The following RXRA variants were observed in gnomAD, a reference collection of about 807,000 sequenced individuals.
RXRA encodes retinoid X receptor alpha.
Under a neutral mutation model 44.5 loss-of-function variants are expected in RXRA, and 5 were observed. That is an observed-to-expected ratio of 0.11 (90% confidence interval 0.06 to 0.24). RXRA has a LOEUF of 0.24. RXRA is among the 10% of genes least tolerant of loss of function. The probability of loss-of-function intolerance (pLI) is 1.00; values close to 1 mark genes in which losing one functional copy is unlikely to be tolerated. For missense variants in RXRA, 412 were observed against 646.5 expected, an observed-to-expected ratio of 0.64 and a Z score of 3.93; for synonymous variants, 291 against 271.4, an observed-to-expected ratio of 1.07 and a Z score of -0.71.
At chr9:134,351,700 C>T (rs782596436) in intron 1 of RXRA, among the ~76,000 whole-genome samples, 4 of 152,246 alleles carry the variant, frequency 2.6e-5, no homozygotes, top group Admixed American at 2.0e-4. Flanking sequence ...GTTAAAATGC[C>T]GTTCTGCGGC....
At chr9:134,431,840 G>A (rs569434541) in intron 7 of RXRA, 65 bp from the exon 8 acceptor site, 1 of 1,294,786 alleles carries the variant, frequency 7.7e-7, no homozygotes, top group African/African-American at 1.5e-5. Flanking sequence ...TTGGGTATCT[G>A]GGGTGTGGCC....
At chr9:134,397,818 G>A (rs531637383) in intron 1 of RXRA, among the ~76,000 whole-genome samples, 1 of 152,098 alleles carries the variant, frequency 6.6e-6, no homozygotes, top group Non-Finnish European at 1.5e-5. Context: ...CCCCTCTGCC[G>A]CTCCCTTGTG....
chr9:134,397,543 C>T (rs765353627), intron 1 of RXRA, among the ~76,000 whole-genome samples: 2 of 152,194 alleles, frequency 1.3e-5, no homozygotes, highest in Non-Finnish European at 2.9e-5. Flanking sequence ...GGATAGAAAT[C>T]TAGTAGCTGT....
intron 7 of RXRA, 59 bp downstream of exon 7, chr9:134,429,299 T>A: frequency 6.3e-7 from 1 of 1,576,562 alleles, no homozygotes; most frequent in Admixed American, 1.7e-5. Flanking sequence ...CCAGGCCAGC[T>A]GAGTTCAGCC....
At chr9:134,396,779 T>C (rs1830886086) in intron 1 of RXRA, among the ~76,000 whole-genome samples, 1 of 152,160 alleles carries the variant, frequency 6.6e-6, no homozygotes, top group South Asian at 2.1e-4. Context: ...GGCGCCAGAT[T>C]GGATGGTCCG....
At chr9:134,432,383 G>A (rs1221054204) in intron 8 of RXRA, among the ~76,000 whole-genome samples, 1 of 152,228 alleles carries the variant, frequency 6.6e-6, no homozygotes, top group African/African-American at 2.4e-5. Flanking sequence ...CTGGGGATGG[G>A]TCAGGCCTGC....
At chr9:134,370,928 G>GAGT (rs1341307835) in intron 1 of RXRA, among the ~76,000 whole-genome samples, 1 of 152,232 alleles carries the variant, frequency 6.6e-6, no homozygotes, top group Non-Finnish European at 1.5e-5. Flanking sequence ...GGTCAGCAGA[G>GAGT]AGTACAGTGT....
At chr9:134,390,197 G>A (rs575702401) in intron 1 of RXRA, among the ~76,000 whole-genome samples, 137 of 152,318 alleles carry the variant, frequency 9.0e-4, no homozygotes, top group African/African-American at 3.2e-3. Flanking sequence ...TGGGCTTAAG[G>A]GAAGGGGAGG....
intron 1 of RXRA, among the ~76,000 whole-genome samples, chr9:134,330,894 G>A (rs193215098): frequency 6.6e-6 from 1 of 152,334 alleles, no homozygotes; most frequent in East Asian, 1.9e-4. Flanking sequence ...GGCTGGCTGG[G>A]AGTTTGGGGA....
intron 3 of RXRA, 60 bp downstream of exon 3, chr9:134,408,359 C>G (rs1404338939): frequency 3.3e-6 from 5 of 1,502,822 alleles, no homozygotes; most frequent in Non-Finnish European, 2.7e-6. Flanking sequence ...ATTGCAGGGT[C>G]TGGAGGCCTC....
intron 1 of RXRA, among the ~76,000 whole-genome samples, chr9:134,389,845 C>A (rs1830774304): frequency 6.6e-6 from 1 of 152,196 alleles, no homozygotes; most frequent in South Asian, 2.1e-4. Flanking sequence ...GGGCTGCCGG[C>A]TAGGCTGGGA....
chr9:134,367,632 G>A (rs1007457333), intron 1 of RXRA, among the ~76,000 whole-genome samples: 5 of 152,236 alleles, frequency 3.3e-5, no homozygotes, highest in African/African-American at 9.6e-5. Context: ...GCTGGGGAGT[G>A]TGGGGTGGGC....
rs1185953321 is a variant in RXRA, at chr9:134,433,419, G to A, written c.1136-683G>A. Among the ~76,000 whole-genome samples, 1 of 152,150 alleles carries A rather than the reference G, an allele frequency of 6.6e-6. No individual in the cohort carries two copies. Among genetic ancestry groups the A allele is most frequent in the South Asian group, 2.1e-4 (1 of 4,836 alleles). On this transcript the variant is annotated intron_variant, in intron 8 of 9. Coordinates refer to ENST00000481739, the MANE Select transcript of RXRA (RefSeq NM_002957.6). This position sits in a 1 kb window ranked among gnomAD's most constrained non-coding sequence, Gnocchi z 4.2. Reference sequence around the variant, plus strand: ...CAGGGCACAGGCATGCAGGGAGGGCGAGGAGACTGGCTGGAGCGGAGGCAG... The same window carrying A: ...CAGGGCACAGGCATGCAGGGAGGGCAAGGAGACTGGCTGGAGCGGAGGCAG...
chr9:134,432,482 G>T (rs1831548026), intron 8 of RXRA, among the ~76,000 whole-genome samples: 1 of 152,204 alleles, frequency 6.6e-6, no homozygotes. Context: ...GGAGAGCAGG[G>T]CTTGGGGCTG....
chr9:134,371,742 C>G (rs900315978), intron 1 of RXRA, among the ~76,000 whole-genome samples: 1 of 152,180 alleles, frequency 6.6e-6, no homozygotes, highest in Non-Finnish European at 1.5e-5. Flanking sequence ...TTGTCTCTGC[C>G]TGTCCTGAGG....
rs1399069961 is a variant in RXRA at position 134,365,751 on chromosome 9, G to T, written c.29-35881G>T. ...CAGAGTCTCGGTGGGTCTCGGTGGG[G>T]CCAGCTGTCGGTGGGTGAGGTGCCC... is the stretch of plus-strand genomic sequence containing the variant. On this transcript the variant is annotated intron_variant, in intron 1 of 9. Transcript: ENST00000481739. This position sits in a 1 kb window ranked among gnomAD's most constrained non-coding sequence, Gnocchi z 4.0. Among the ~76,000 whole-genome samples the T allele has an allele frequency of 6.6e-6, 1 of 151,252 alleles. No homozygotes were observed. Among genetic ancestry groups the T allele is most frequent in the Admixed American group, 6.6e-5 (1 of 15,218 alleles).
In RXRA at chr9:134,366,184, G is replaced by T. The variant is rs1830412424; in HGVS notation, c.29-35448G>T. On this transcript the variant is annotated intron_variant, in intron 1 of 9. Transcript: ENST00000481739. The surrounding 1 kb of genome is among the most constrained non-coding windows in gnomAD (Gnocchi z 5.9). ...CCAGTGGGAGGCGGCAGAGCCTCTGGTGGCTCCGTGTGGCATGTTCTGGGC... is the reference window on the plus strand; with the variant it reads ...CCAGTGGGAGGCGGCAGAGCCTCTGTTGGCTCCGTGTGGCATGTTCTGGGC... Among the ~76,000 whole-genome samples the T allele has an allele frequency of 6.6e-6, 1 of 152,168 alleles. No homozygotes were observed. Among genetic ancestry groups the T allele is most frequent in the Admixed American group, 6.5e-5 (1 of 15,278 alleles).
Position 134,426,081 on chromosome 9 carries a change from G to A in RXRA, c.911-3027G>A, listed in dbSNP as rs1831430224. 2.0e-6 allele frequency: 2 copies of A among 985,336 alleles called. No homozygotes were observed. Among genetic ancestry groups the A allele is most frequent in the African/African-American group, 3.5e-5 (2 of 57,244 alleles). 61.0% of individuals were successfully genotyped at this position (985,336 alleles called of 1,614,324 possible). A position where few individuals can be genotyped will look rare whatever the true frequency, so the allele number is the denominator to read the frequency against. The stretch of plus-strand genomic sequence containing the variant: ...GCAGGGCCACGAGGGATCTGCAGGA[G>A]TAAGTTCCTTGGGAAGGGCCAGCCT... On this transcript the variant is annotated intron_variant, in intron 6 of 9. Coordinates refer to ENST00000481739, the MANE Select transcript of RXRA (RefSeq NM_002957.6). This position sits in a 1 kb window ranked among gnomAD's most constrained non-coding sequence, Gnocchi z 4.6.
intron 1 of RXRA, among the ~76,000 whole-genome samples, chr9:134,350,715 G>A (rs1447373893): frequency 6.6e-6 from 1 of 152,220 alleles, no homozygotes; most frequent in Non-Finnish European, 1.5e-5. Context: ...AGCTCCATCT[G>A]GGGCATTCTC....
Sources: allele counts gnomAD v4.1 joint callset (sites outside exome capture counted in the v4.1 genomes callset), GRCh38; gene constraint gnomAD v4.1.1; non-coding constraint Gnocchi (gnomAD v3.1); transcripts MANE v1.5; gene names NCBI Gene and HGNC (gene_info 2026-07-23, HGNC 2026-07-21).